Variants in LTBP1 observed in about 807,000 individuals in gnomAD.
The protein encoded by LTBP1 is latent transforming growth factor beta binding protein 1, also known as latent-transforming growth factor beta-binding protein 1.
A neutral mutation model predicts 207.6 loss-of-function variants in LTBP1; 129 were observed. The ratio of observed to expected loss-of-function variants is 0.62; its 90% CI spans 0.54 to 0.72. LTBP1 has a LOEUF of 0.72. LTBP1 is among the 30% of genes least tolerant of loss of function. The probability of loss-of-function intolerance (pLI) is 0.00; values close to 1 mark genes in which losing one functional copy is unlikely to be tolerated. For missense variants in LTBP1, 2,281 were observed against 2,217.2 expected (o/e 1.03, Z -0.58); for synonymous variants, 963 against 833.7 (o/e 1.16, Z -2.67).
rs60175499 is a variant in LTBP1 at position 33,378,662 on chromosome 2, T to C, written c.4712-10522T>C. Among the ~76,000 whole-genome samples the C allele has an allele frequency of 4.5e-3, 691 of 152,340 alleles. 3 individuals carry two copies. Among genetic ancestry groups the C allele is most frequent in the African/African-American group, 0.016 (652 of 41,578 alleles). Reference sequence around the variant, plus strand: ...TGAGAAAATCACTGTGCATAATTGCTTAAGCACTGTTCTAAGTTTGAGGTT... The same window carrying C: ...TGAGAAAATCACTGTGCATAATTGCCTAAGCACTGTTCTAAGTTTGAGGTT... On this transcript the variant is annotated intron_variant, in intron 31 of 33. Transcript: ENST00000404816.
At chr2:33,271,794 G>A (rs1422419618) in intron 15 of LTBP1, among the ~76,000 whole-genome samples, 1 of 151,960 alleles carries the variant, frequency 6.6e-6, no homozygotes, top group African/African-American at 2.4e-5. Flanking sequence ...TAACAAATAA[G>A]CATTTTCCTA....
At chr2:33,217,490 T>C in intron 7 of LTBP1, 62 bp from the exon 8 acceptor site, 1 of 1,135,392 alleles carries the variant, frequency 8.8e-7, no homozygotes, top group South Asian at 1.3e-5. Context: ...GGGACAGCAG[T>C]GCTCTGGGGC....
At chr2:33,017,656 G>T (rs1489687375) in intron 2 of LTBP1, among the ~76,000 whole-genome samples, 1 of 152,064 alleles carries the variant, frequency 6.6e-6, no homozygotes, top group African/African-American at 2.4e-5. Flanking sequence ...TTGCTCTGTC[G>T]CCCAGGCTGG....
At chr2:32,959,574 T>A (rs1678676341) in intron 2 of LTBP1, among the ~76,000 whole-genome samples, 2 of 141,644 alleles carry the variant, frequency 1.4e-5, no homozygotes, top group Non-Finnish European at 3.1e-5. Context: ...TGTGTGTGTA[T>A]GTATATGTAT....
rs1158427118 is a variant in LTBP1 at position 33,347,487 on chromosome 2, A to G, written c.3977A>G (p.Gln1326Arg). The G allele has an allele frequency of 6.2e-7, 1 of 1,614,186 alleles. No individual in the cohort carries two copies. The highest frequency in any genetic ancestry group is 8.5e-7 in the Non-Finnish European group (1 of 1,180,030). The change falls in exon 26 of 34, where the codon CAG (glutamine) becomes CGG (arginine). Residue 1326 changes from glutamine to arginine, a missense_variant. Gln to Arg is a conservative substitution (Grantham distance 43). This residue lies in a region of LTBP1 where 1,671 missense variants were observed against 1,634.8 expected (regional missense o/e 1.02). Transcript: ENST00000404816. ...CAAGAGTACAGCCCCATGACTGGGC[A>G]GTGCCGCTCCCGGACCTCCACAGGT... ...ENQEYSPMTG[Q>R]CRSRTSTDLD...
At chr2:33,358,534 T>C (rs576924462) in intron 26 of LTBP1, among the ~76,000 whole-genome samples, 122 of 152,172 alleles carry the variant, frequency 8.0e-4, no homozygotes, top group African/African-American at 2.8e-3. Flanking sequence ...ATAATCTTCA[T>C]TGAGGCCTTA....
At chr2:32,994,900 A>G (rs965308355) in intron 2 of LTBP1, among the ~76,000 whole-genome samples, 1 of 152,208 alleles carries the variant, frequency 6.6e-6, no homozygotes, top group Admixed American at 6.5e-5. Context: ...TTTCTTTTAA[A>G]GCTCTTCAGC....
At chr2:33,362,789 C>T (rs185800685) in intron 28 of LTBP1, among the ~76,000 whole-genome samples, 187 of 152,198 alleles carry the variant, frequency 1.2e-3, no homozygotes, top group Admixed American at 1.6e-3. Flanking sequence ...GAGCATATAC[C>T]GAGTCCTATC....
At chr2:33,146,995 C>T (rs1475100493) in intron 5 of LTBP1, among the ~76,000 whole-genome samples, 1 of 152,096 alleles carries the variant, frequency 6.6e-6, no homozygotes, top group Non-Finnish European at 1.5e-5. Context: ...TTAATGAAGC[C>T]CCTGGAAGGA....
At chr2:33,218,482 C>T (rs1365125153) in intron 8 of LTBP1, among the ~76,000 whole-genome samples, 2 of 152,144 alleles carry the variant, frequency 1.3e-5, no homozygotes, top group East Asian at 1.9e-4. Flanking sequence ...CTGCAGCCTC[C>T]GCCTCTTGGG....
intron 16 of LTBP1, 38 bp from the exon 17 acceptor site, chr2:33,274,927 C>T (rs751640986): frequency 3.1e-5 from 49 of 1,599,834 alleles, no homozygotes; most frequent in Non-Finnish European, 4.2e-5. Context: ...GTTCTTGCTA[C>T]ACAGAACTAA....
At position 33,361,527 on chromosome 2, in the gene LTBP1, G is replaced by A. The variant is rs376665360; in HGVS notation, c.4270+12G>A. 6.3e-6 allele frequency: 10 copies of A among 1,598,720 alleles called. No homozygotes were observed. Among genetic ancestry groups the A allele is most frequent in the African/African-American group, 2.7e-5 (2 of 74,436 alleles). ...TGAGAACTATAAAGGTCAGAATCAA[G>A]TGGAAACAAATTTTCAGCACATTGT... On this transcript the variant is annotated intron_variant, in intron 28 of 33. Coordinates refer to ENST00000404816, the MANE Select transcript of LTBP1 (RefSeq NM_206943.4).
intron 5 of LTBP1, among the ~76,000 whole-genome samples, chr2:33,179,238 A>G (rs572787355): frequency 6.6e-6 from 1 of 152,264 alleles, no homozygotes; most frequent in East Asian, 1.9e-4. Flanking sequence ...GTGTTAGTGT[A>G]TTTAATGTGT....
intron 5 of LTBP1, among the ~76,000 whole-genome samples, chr2:33,140,668 A>T (rs2082575010): frequency 9.8e-6 from 1 of 101,938 alleles, no homozygotes; most frequent in South Asian, 3.5e-4. Flanking sequence ...TTAATTAATT[A>T]ATTTTTTTTT....
At chr2:33,022,000 A>G (rs1000152023) in intron 3 of LTBP1, among the ~76,000 whole-genome samples, 1 of 152,290 alleles carries the variant, frequency 6.6e-6, no homozygotes, top group Admixed American at 6.5e-5. Flanking sequence ...TTTGTCTAGG[A>G]AGGTAAAATA....
At chr2:33,391,018 T>C (rs922351581) in intron 32 of LTBP1, among the ~76,000 whole-genome samples, 4 of 151,932 alleles carry the variant, frequency 2.6e-5, no homozygotes, top group Non-Finnish European at 4.4e-5. Flanking sequence ...CTTCTCTTTC[T>C]CTTTTCCCTT....
chr2:33,299,194 A>T (rs185154802), intron 20 of LTBP1, among the ~76,000 whole-genome samples: 1 of 151,548 alleles, frequency 6.6e-6, no homozygotes, highest in Non-Finnish European at 1.5e-5. Flanking sequence ...GTGAGCCGAG[A>T]TAGCGCCACT....
rs753472271 is a variant in LTBP1 at position 33,300,453 on chromosome 2, A to G, written c.3238A>G (p.Ile1080Val). The change falls in exon 21 of 34, where the codon ATT becomes GTT. Residue 1080 changes from isoleucine (I) to valine (V), a missense_variant and splice_region_variant. Around this residue, in one of 3 missense-constraint regions of LTBP1, gnomAD observed 1,671 missense variants for 1,634.8 expected, o/e 1.02. Coordinates refer to ENST00000404816, the MANE Select transcript of LTBP1 (RefSeq NM_206943.4). ...RTPDHKHCRD[I>V]DECQQGNLCV... ...AATTGCCGTTGTTGTGTTTGCAGAT[A>G]TTGATGAATGTCAGCAAGGGAATCT... 5 of 1,612,804 alleles carry G rather than the reference A, an allele frequency of 3.1e-6. No individual in the cohort carries two copies. The Admixed American group carries it at 8.3e-5, about 27-fold the overall frequency.
At chr2:33,220,576 T>A (rs2149409048) in intron 8 of LTBP1, among the ~76,000 whole-genome samples, 1 of 152,332 alleles carries the variant, frequency 6.6e-6, no homozygotes, top group Non-Finnish European at 1.5e-5. Flanking sequence ...GAACATAAAA[T>A]CCTAAGCTGA....
Sources: gnomAD v4.1 joint callset for allele counts (sites outside exome capture counted in the v4.1 genomes callset) on GRCh38, gnomAD v4.1.1 for gene constraint, gnomAD v4.1.1 regional missense constraint, MANE v1.5 for transcripts, NCBI Gene and HGNC (gene_info 2026-07-23, HGNC 2026-07-21) for gene names.